The following FGF14 variants were observed in gnomAD, a reference collection of about 807,000 sequenced individuals.
The protein encoded by FGF14 is fibroblast growth factor homologous factor 4.
Under a neutral mutation model 25.5 loss-of-function variants are expected in FGF14, and 5 were observed. The ratio of observed to expected loss-of-function variants is 0.20; its 90% CI spans 0.10 to 0.41. The LOEUF is 0.41. Among genes scored for constraint, FGF14 ranks in the 10% least tolerant of loss-of-function variants. FGF14 has a pLI of 1.00. For missense variants in FGF14, 222 were observed against 320.1 expected, an observed-to-expected ratio of 0.69 and a Z score of 2.34; for synonymous variants, 138 against 118.3, an observed-to-expected ratio of 1.17 and a Z score of -1.08.
intron 1 of FGF14, among the ~76,000 whole-genome samples, chr13:102,021,098 A>G (rs929115531): frequency 3.3e-5 from 5 of 151,902 alleles, no homozygotes; most frequent in African/African-American, 1.2e-4. Flanking sequence ...TGGAGGGAAG[A>G]AAAACACTGG....
At chr13:101,822,070 CTG>C (rs1426820052) in intron 3 of FGF14, among the ~76,000 whole-genome samples, 3 of 152,098 alleles carry the variant, frequency 2.0e-5, no homozygotes, top group Admixed American at 6.5e-5. Context: ...TGTAGGAAAA[CTG>C]TGTCTACTCT....
intron 3 of FGF14, among the ~76,000 whole-genome samples, chr13:101,797,489 T>A (rs527549743): frequency 1.2e-3 from 186 of 152,086 alleles, no homozygotes; most frequent in African/African-American, 4.3e-3. Context: ...AATGGTAGGG[T>A]TGGGCATGAG....
intron 1 of FGF14, chr13:102,263,100 T>C: frequency 1.6e-6 from 1 of 632,066 alleles, no homozygotes; most frequent in Non-Finnish European, 3.0e-6. Flanking sequence ...CTGACTTTAT[T>C]ACCAGTTTTC....
chr13:102,114,321 G>T (rs1246672226), intron 1 of FGF14, among the ~76,000 whole-genome samples: 1 of 152,202 alleles, frequency 6.6e-6, no homozygotes, highest in East Asian at 1.9e-4. Flanking sequence ...CCCTTTATCA[G>T]ATACATGATT....
chr13:102,253,275 C>T (rs1383464207), intron 1 of FGF14, among the ~76,000 whole-genome samples: 4 of 152,156 alleles, frequency 2.6e-5, no homozygotes, highest in Non-Finnish European at 5.9e-5. Context: ...AACTAGTTTA[C>T]ACTCCCACCA....
At chr13:102,223,854 C>T (rs1035431650) in intron 1 of FGF14, among the ~76,000 whole-genome samples, 8 of 152,088 alleles carry the variant, frequency 5.3e-5, no homozygotes, top group Admixed American at 1.3e-4. Flanking sequence ...CAGAGCAAGA[C>T]GCTGTCTCAA....
intron 1 of FGF14, among the ~76,000 whole-genome samples, chr13:101,898,141 T>A (rs1344447136): frequency 1.3e-5 from 2 of 152,130 alleles, no homozygotes; most frequent in Non-Finnish European, 2.9e-5. Flanking sequence ...GTGATCCACC[T>A]GCCTCAGCCT....
At chr13:102,298,198 G>A (rs914714267) in intron 1 of FGF14, among the ~76,000 whole-genome samples, 6 of 152,090 alleles carry the variant, frequency 3.9e-5, no homozygotes, top group African/African-American at 1.4e-4. Flanking sequence ...CAAGAAGGAT[G>A]CTGCACTCAG....
At chr13:102,299,992 C>T (rs572985091) in intron 1 of FGF14, 21 of 152,174 alleles carry the variant, frequency 1.4e-4, no homozygotes, top group Admixed American at 1.2e-3. Context: ...TTTCATCATT[C>T]GTGTGTTTGA....
chr13:102,262,417 C>T (rs1743400599), intron 1 of FGF14, among the ~76,000 whole-genome samples: 1 of 151,992 alleles, frequency 6.6e-6, no homozygotes, highest in Non-Finnish European at 1.5e-5. Context: ...CTCACTCTGT[C>T]CCTGTGAGGA....
intron 1 of FGF14, among the ~76,000 whole-genome samples, chr13:101,943,425 G>C (rs1434414888): frequency 6.6e-6 from 1 of 152,178 alleles, no homozygotes; most frequent in Non-Finnish European, 1.5e-5. Context: ...GACAGTTTTT[G>C]TTGTCACAAG....
At chr13:102,056,024 A>G (rs914864905) in intron 1 of FGF14, among the ~76,000 whole-genome samples, 26 of 152,324 alleles carry the variant, frequency 1.7e-4, no homozygotes, top group South Asian at 1.4e-3. Flanking sequence ...CTATGATTCA[A>G]TTATCTCCCA....
intron 1 of FGF14, among the ~76,000 whole-genome samples, chr13:101,973,471 T>C (rs1012444065): frequency 1.3e-5 from 2 of 152,164 alleles, no homozygotes; most frequent in Non-Finnish European, 2.9e-5. Context: ...TAATTGAATA[T>C]GTATATATAT....
At chr13:102,312,284 C>T (rs1374748280) in intron 1 of FGF14, among the ~76,000 whole-genome samples, 2 of 138,948 alleles carry the variant, frequency 1.4e-5, no homozygotes, top group Non-Finnish European at 1.6e-5. Flanking sequence ...AAAAAAAAAA[C>T]TTAAGTGGGA....
chr13:102,317,550 T>C (rs2056079683), intron 1 of FGF14, among the ~76,000 whole-genome samples: 1 of 152,232 alleles, frequency 6.6e-6, no homozygotes, highest in Non-Finnish European at 1.5e-5. Context: ...GAATTTTTAC[T>C]CTATAGCTTT....
intron 1 of FGF14, among the ~76,000 whole-genome samples, chr13:102,338,653 T>C (rs1454808640): frequency 6.6e-6 from 1 of 152,172 alleles, no homozygotes; most frequent in Admixed American, 6.6e-5. Flanking sequence ...CTATCATTGA[T>C]ATCATCAAAG....
At chr13:102,059,882 AAAAG>A (rs751557281) in intron 1 of FGF14, among the ~76,000 whole-genome samples, 35 of 151,752 alleles carry the variant, frequency 2.3e-4, no homozygotes, top group African/African-American at 7.0e-4. Flanking sequence ...AAAAAAAAAG[AAAAG>A]AAAGAAAGAA....
At chr13:101,864,043 G>A (rs2044566413) in intron 3 of FGF14, among the ~76,000 whole-genome samples, 1 of 152,168 alleles carries the variant, frequency 6.6e-6, no homozygotes, top group Admixed American at 6.6e-5. Flanking sequence ...CTTATGTAGA[G>A]TGGATAAGAC....
chr13:102,133,827 T>G (rs1036859984), intron 1 of FGF14, among the ~76,000 whole-genome samples: 23 of 152,216 alleles, frequency 1.5e-4, no homozygotes, highest in Non-Finnish European at 2.2e-4. Context: ...TTAATACTCA[T>G]GTCATGAGCA....
Sources: allele counts gnomAD v4.1 joint callset (sites outside exome capture counted in the v4.1 genomes callset), GRCh38; gene constraint gnomAD v4.1.1; transcripts MANE v1.5; gene names NCBI Gene and HGNC (gene_info 2026-07-23, HGNC 2026-07-21).